Variants in EIF2B3 observed in about 807,000 individuals in gnomAD.
EIF2B3 encodes translation initiation factor eIF2B subunit gamma.
Under a neutral mutation model 54.1 loss-of-function variants are expected in EIF2B3, and 20 were observed. The ratio of observed to expected loss-of-function variants is 0.37; its 90% CI spans 0.26 to 0.54. The LOEUF is 0.54. EIF2B3 is among the 20% of genes least tolerant of loss of function. The pLI, the probability that EIF2B3 is intolerant of heterozygous loss-of-function variation, is 0.86. For missense variants in EIF2B3, 448 were observed against 547.8 expected (o/e 0.82, Z 1.82); for synonymous variants, 153 against 188.1 (o/e 0.81, Z 1.52).
intron 1 of EIF2B3, among the ~76,000 whole-genome samples, chr1:44,981,809 T>C (rs961878546): frequency 6.6e-6 from 1 of 151,680 alleles, no homozygotes; most frequent in Non-Finnish European, 1.5e-5. Flanking sequence ...TGGTGGCTTG[T>C]GCCTATGGTT....
intron 1 of EIF2B3, among the ~76,000 whole-genome samples, chr1:44,984,846 C>CCGGACTG (rs1644554896): frequency 1.7e-5 from 2 of 118,442 alleles, no homozygotes; most frequent in South Asian, 6.6e-4. Flanking sequence ...GTCGCCCAGG[C>CCGGACTG]CGGACTGCGG....
intron 11 of EIF2B3, among the ~76,000 whole-genome samples, 172 bp from the exon 12 acceptor site, chr1:44,851,175 C>T (rs1654255822): frequency 6.6e-6 from 1 of 152,038 alleles, no homozygotes. Context: ...TGCGATTCTC[C>T]TGCCTCAGCC....
chr1:44,917,756 T>TC (rs1643654345), intron 5 of EIF2B3, among the ~76,000 whole-genome samples: 1 of 10,906 alleles, frequency 9.2e-5, no homozygotes, highest in Admixed American at 1.2e-3. Flanking sequence ...AATAACACTC[T>TC]TTTTTTTTTT....
At chr1:44,905,966 T>C (rs781326784) in intron 5 of EIF2B3, among the ~76,000 whole-genome samples, 2 of 152,164 alleles carry the variant, frequency 1.3e-5, no homozygotes, top group Non-Finnish European at 2.9e-5. Flanking sequence ...TGCTGAGATC[T>C]AGAAGCATCT....
intron 3 of EIF2B3, among the ~76,000 whole-genome samples, chr1:44,970,258 T>C (rs1171948647): frequency 6.6e-6 from 1 of 152,162 alleles, no homozygotes; most frequent in East Asian, 1.9e-4. Flanking sequence ...GCAATACATT[T>C]AGCAAATATA....
intron 3 of EIF2B3, among the ~76,000 whole-genome samples, chr1:44,967,544 T>C (rs1205819237): frequency 1.4e-5 from 2 of 141,778 alleles, no homozygotes. Context: ...TTTGAGACCA[T>C]CCTGGCTAAC....
intron 3 of EIF2B3, among the ~76,000 whole-genome samples, chr1:44,960,176 TGATA>T (rs1289044158): frequency 3.3e-5 from 5 of 152,224 alleles, no homozygotes; most frequent in African/African-American, 1.2e-4. Flanking sequence ...TAACTCACAT[TGATA>T]AAGTTATTTT....
chr1:44,873,051 T>G (rs1655014029), intron 10 of EIF2B3, among the ~76,000 whole-genome samples: 1 of 152,200 alleles, frequency 6.6e-6, no homozygotes, highest in Non-Finnish European at 1.5e-5. Flanking sequence ...TTGGCTATAG[T>G]GGAATAATTT....
In EIF2B3 at chr1:44,928,950, A is replaced by G. The variant is rs114854660; in HGVS notation, c.455-2211T>C. 9.9e-3 allele frequency among the ~76,000 whole-genome samples: 1,505 copies of G among 152,310 alleles called. 25 individuals are homozygous for G. Among genetic ancestry groups the G allele is most frequent in the African/African-American group, 0.034 (1,425 of 41,562 alleles). On this transcript the variant is annotated intron_variant, in intron 4 of 11. Coordinates refer to ENST00000360403, the MANE Select transcript of EIF2B3 (RefSeq NM_020365.5). ...CTAGGTATGAATCCCAGCTCAGCCA[A>G]TTACCAGTTTATGTTAGAGCAAGTT...
intron 5 of EIF2B3, among the ~76,000 whole-genome samples, chr1:44,920,560 TG>T (rs1643719398): frequency 6.6e-6 from 1 of 152,216 alleles, no homozygotes; most frequent in Admixed American, 6.5e-5. Context: ...TTCCAGCCTC[TG>T]GTAATCATCC....
chr1:44,936,652 C>T (rs1461807204), intron 4 of EIF2B3, among the ~76,000 whole-genome samples: 1 of 152,100 alleles, frequency 6.6e-6, no homozygotes, highest in Admixed American at 6.6e-5. Flanking sequence ...CTATGAGTTT[C>T]CCTTCAAACT....
intron 5 of EIF2B3, among the ~76,000 whole-genome samples, chr1:44,919,641 TG>T (rs1643695951): frequency 6.6e-6 from 1 of 151,872 alleles, no homozygotes; most frequent in South Asian, 2.1e-4. Flanking sequence ...CCATTTATAC[TG>T]GGTGTACATG....
chr1:44,885,797 C>T (rs1017119837), intron 6 of EIF2B3, among the ~76,000 whole-genome samples: 3 of 151,680 alleles, frequency 2.0e-5, no homozygotes, highest in African/African-American at 4.8e-5. Context: ...TGCAATGGCA[C>T]GATCCTGGCT....
At chr1:44,970,238 A>G (rs868502606) in intron 3 of EIF2B3, among the ~76,000 whole-genome samples, 1 of 152,204 alleles carries the variant, frequency 6.6e-6, no homozygotes, top group African/African-American at 2.4e-5. Flanking sequence ...TTCCACATAT[A>G]AGTAGGACTG....
chr1:44,850,838 C>A lies in EIF2B3; in HGVS notation c.*113G>T, dbSNP rs893504321. On this transcript the variant is annotated 3_prime_UTR_variant, in exon 12 of 12. Coordinates refer to ENST00000360403, the MANE Select transcript of EIF2B3 (RefSeq NM_020365.5). ...TTTGGACTGCTCCACAAGTCTCCAG[C>A]ATGCCTTTGGAAGCCCTTCTTTATT... The A allele has an allele frequency of 5.8e-6, 7 of 1,206,048 alleles. No homozygotes were observed. Among genetic ancestry groups the A allele is most frequent in the Non-Finnish European group, 8.6e-6 (7 of 812,516 alleles). The allele number at this position is 1,206,048 out of a possible 1,614,324, so 74.7% of individuals were successfully genotyped here.
chr1:44,919,678 A>G (rs1189449390), intron 5 of EIF2B3, among the ~76,000 whole-genome samples: 3 of 146,578 alleles, frequency 2.0e-5, no homozygotes, highest in Non-Finnish European at 4.5e-5. Flanking sequence ...TCCCTTCATC[A>G]TCATACTGGG....
intron 1 of EIF2B3, among the ~76,000 whole-genome samples, chr1:44,982,173 A>G (rs986288336): frequency 6.6e-6 from 1 of 152,206 alleles, no homozygotes; most frequent in Non-Finnish European, 1.5e-5. Flanking sequence ...AATTATAAAA[A>G]CAAACCAAAC....
chr1:44,864,419 T>C (rs1654706431), intron 10 of EIF2B3, among the ~76,000 whole-genome samples: 1 of 151,950 alleles, frequency 6.6e-6, no homozygotes, highest in African/African-American at 2.4e-5. Context: ...AAAATTAGCC[T>C]GGCGTGATGG....
intron 10 of EIF2B3, among the ~76,000 whole-genome samples, chr1:44,873,613 T>C (rs1040467862): frequency 6.6e-5 from 10 of 152,092 alleles, no homozygotes; most frequent in African/African-American, 1.4e-4. Context: ...TCTGAAATAC[T>C]TGGGACCAGA....
Sources: gnomAD v4.1 joint callset for allele counts (sites outside exome capture counted in the v4.1 genomes callset) on GRCh38, gnomAD v4.1.1 for gene constraint, MANE v1.5 for transcripts, NCBI Gene and HGNC (gene_info 2026-07-23, HGNC 2026-07-21) for gene names.